PLEKHH3: variants seen among roughly 807,000 people sequenced by gnomAD.
PLEKHH3 encodes the protein pleckstrin homology, MyTH4 and FERM domain containing H3, also known as pleckstrin homology domain-containing family H member 3.
A neutral mutation model predicts 77.8 loss-of-function variants in PLEKHH3; 57 were observed. The ratio of observed to expected loss-of-function variants is 0.73; its 90% CI spans 0.59 to 0.91. The LOEUF (loss-of-function observed/expected upper bound fraction) is 0.91. Ranked by LOEUF, PLEKHH3 falls within the 40% of genes least tolerant of loss-of-function variation. The pLI, the probability that PLEKHH3 is intolerant of heterozygous loss-of-function variation, is 0.00. For missense variants in PLEKHH3, 1,082 were observed against 1,091.2 expected (o/e 0.99, Z 0.12); for synonymous variants, 467 against 504.8 (o/e 0.93, Z 1.00).
At chr17:42,674,205 C>T in intron 2 of PLEKHH3, 149 bp downstream of exon 2, 2 of 1,133,780 alleles carry the variant, frequency 1.8e-6, no homozygotes, top group Non-Finnish European at 2.5e-6. Flanking sequence ...GCGCCCCCAG[C>T]CGGACCGCCC....
At chr17:42,670,786 T>C in intron 9 of PLEKHH3, 81 bp from the exon 10 acceptor site, 1 of 1,485,880 alleles carries the variant, frequency 6.7e-7, no homozygotes, top group Non-Finnish European at 9.1e-7. Flanking sequence ...GGCGGGGCCA[T>C]GTGTTTGGGG....
Position 42,676,434 on chromosome 17 carries a change from G to C in PLEKHH3, c.130C>G (p.Leu44Val), listed in dbSNP as rs1263394333. ...DEDEDEETFE[L>V]RTPSPAGGGR... ...CCGCCCGCTGGACTCGGGGTCCGCA[G>C]CTCAAAGGTTTCCTCGTCCTCGTCC... Residue 44 changes from leucine (L) to valine (V), a missense_variant, in exon 1 of 13, where the codon CTG becomes GTG. This residue lies in a region of PLEKHH3 where 344 missense variants were observed against 320.8 expected (regional missense o/e 1.07). Coordinates refer to ENST00000591022, the MANE Select transcript of PLEKHH3 (RefSeq NM_024927.5). The surrounding 1 kb of genome is among the most constrained non-coding windows in gnomAD (Gnocchi z 6.6). 1 of 1,613,364 alleles carries C rather than the reference G, an allele frequency of 6.2e-7. No individual in the cohort carries two copies. Among genetic ancestry groups the C allele is most frequent in the Non-Finnish European group, 8.5e-7 (1 of 1,179,962 alleles).
chr17:42,672,029 C>G (rs2052713051), intron 7 of PLEKHH3, 57 bp downstream of exon 7: 1 of 1,383,378 alleles, frequency 7.2e-7, no homozygotes, highest in Admixed American at 2.9e-5. Flanking sequence ...ACCTTTCATT[C>G]TCTCCCAGCC....
In PLEKHH3 at chr17:42,670,606, T is replaced by TGGGGACAGCCCCTCA; in HGVS notation, c.1506_1520dup (p.Glu503_Pro507dup). On this transcript the variant is annotated inframe_insertion, in exon 10 of 13. Coordinates refer to ENST00000591022, the MANE Select transcript of PLEKHH3 (RefSeq NM_024927.5). Reference sequence around the variant, plus strand: ...AGAGGAAAGGCAGTTCGTGACCGTCTGGGGACAGCCCCTCAGGGTGCAGAG... The same window carrying TGGGGACAGCCCCTCA: ...AGAGGAAAGGCAGTTCGTGACCGTCTGGGGACAGCCCCTCAGGGGACAGCCCCTCAGGGTGCAGAG... The TGGGGACAGCCCCTCA allele has an allele frequency of 6.2e-7, 1 of 1,612,366 alleles. No individual in the cohort carries two copies. Among genetic ancestry groups the TGGGGACAGCCCCTCA allele is most frequent in the Non-Finnish European group, 8.5e-7 (1 of 1,179,312 alleles).
chr17:42,672,201 G>T lies in PLEKHH3; in HGVS notation c.961C>A (p.Leu321Ile). Reference protein sequence around the residue: ...QTSGPAGPPGLPATQDPAALR... With the variant: ...QTSGPAGPPGIPATQDPAALR... Reference sequence around the variant, plus strand: ...GCCGCAGGGTCTTGGGTAGCCGGGAGCCCGGGGGGACCTGCAGGGCCCGAG... The same window carrying T: ...GCCGCAGGGTCTTGGGTAGCCGGGATCCCGGGGGGACCTGCAGGGCCCGAG... The change falls in exon 7 of 13, where the codon CTC (leucine) becomes ATC (isoleucine). Residue 321 changes from leucine to isoleucine, a missense_variant. Coordinates refer to ENST00000591022, the MANE Select transcript of PLEKHH3 (RefSeq NM_024927.5). 6.4e-7 allele frequency: 1 copy of T among 1,551,190 alleles called. No homozygotes were observed. The highest frequency in any genetic ancestry group is 8.7e-7 in the Non-Finnish European group (1 of 1,147,080).
At chr17:42,669,740 G>A in intron 11 of PLEKHH3, 119 bp from the exon 12 acceptor site, 1 of 1,460,486 alleles carries the variant, frequency 6.8e-7, no homozygotes, top group South Asian at 1.3e-5. Context: ...CAGCACGTGT[G>A]TGGAGGGGGC....
chr17:42,673,873 A>T (rs1333289843), intron 3 of PLEKHH3, 39 bp from the exon 4 acceptor site: 15 of 1,609,122 alleles, frequency 9.3e-6, no homozygotes, highest in Middle Eastern at 1.7e-4. Context: ...ATCAGTAGAG[A>T]CATTAATCCC....
Position 42,676,877 on chromosome 17 carries a change from T to G in PLEKHH3, c.-314A>C. The G allele has an allele frequency of 2.8e-6, 1 of 363,064 alleles. No individual in the cohort carries two copies. The highest frequency in any genetic ancestry group is 5.1e-6 in the Non-Finnish European group (1 of 197,360). 22.5% of individuals were successfully genotyped at this position (363,064 alleles called of 1,614,324 possible). On this transcript the variant is annotated 5_prime_UTR_variant, in exon 1 of 13. Coordinates refer to ENST00000591022, the MANE Select transcript of PLEKHH3 (RefSeq NM_024927.5). This position sits in a 1 kb window ranked among gnomAD's most constrained non-coding sequence, Gnocchi z 6.6. ...GTGTCCAGCCCTGTGGGGGGCAGTG[T>G]CCGGTGCAGCGTCCGAGGTGGGCAG...
In PLEKHH3 at chr17:42,671,201, G is replaced by T; in HGVS notation, c.1285-71C>A. ...ATTCTGGGAGGGGTTGATTCAATTG[G>T]AAGGGGTCTCTTAGTCCTGTCACCA... On this transcript the variant is annotated intron_variant, in intron 8 of 12. Transcript: ENST00000591022. This position sits in a 1 kb window ranked among gnomAD's most constrained non-coding sequence, Gnocchi z 4.7. 2.0e-6 allele frequency: 3 copies of T among 1,527,912 alleles called. No individual in the cohort carries two copies. Among genetic ancestry groups the T allele is most frequent in the South Asian group, 1.3e-5 (1 of 79,248 alleles). The allele number at this position is 1,527,912 out of a possible 1,614,324, so 94.6% of individuals were successfully genotyped here.
Position 42,673,728 on chromosome 17 carries a change from G to A in PLEKHH3, c.405C>T (p.Ser135=), listed in dbSNP as rs1396776268. ...TRDSLDQFSS[S]GKGARRLGSL... ...TCCCGAGACGCCGCGCCCCTTTCCCGCTGCTGCTGAACTGATCCAGGGAGT... is the reference window on the plus strand; with the variant it reads ...TCCCGAGACGCCGCGCCCCTTTCCCACTGCTGCTGAACTGATCCAGGGAGT... The change falls in exon 4 of 13, where the codon AGC becomes AGT. Residue 135 remains serine (S), a synonymous_variant. Transcript: ENST00000591022. 1 of 1,600,680 alleles carries A rather than the reference G, an allele frequency of 6.2e-7. No individual in the cohort carries two copies. Among genetic ancestry groups the A allele is most frequent in the South Asian group, 1.1e-5 (1 of 91,036 alleles).
Position 42,671,635 on chromosome 17 carries a change from GTTTAT to G in PLEKHH3, c.1077-82_1077-78del, listed in dbSNP as rs1209548448. The G allele has an allele frequency of 1.4e-6, 2 of 1,426,474 alleles. No individual in the cohort carries two copies. The highest frequency in any genetic ancestry group is 5.0e-5 in the East Asian group (2 of 40,332). The allele number at this position is 1,426,474 out of a possible 1,614,324, so 88.4% of individuals were successfully genotyped here. A position where few individuals can be genotyped will look rare whatever the true frequency, so the allele number is the denominator to read the frequency against. On this transcript the variant is annotated intron_variant, in intron 7 of 12. Coordinates refer to ENST00000591022, the MANE Select transcript of PLEKHH3 (RefSeq NM_024927.5). The surrounding 1 kb of genome is among the most constrained non-coding windows in gnomAD (Gnocchi z 4.7). The stretch of plus-strand genomic sequence containing the variant: ...CTCCCTCTTGCCTGCTTCTCTTATA[GTTTAT>G]TTTATCTAGCCGATTTCCTCCCCGC...
At chr17:42,673,350 C>T (rs768872476) in intron 5 of PLEKHH3, 49 bp downstream of exon 5, 1 of 1,607,490 alleles carries the variant, frequency 6.2e-7, no homozygotes, top group Non-Finnish European at 8.5e-7. Context: ...CCTCACAACC[C>T]CAGAAAGCTT....
Position 42,673,473 on chromosome 17 carries a change from C to A in PLEKHH3, c.574G>T (p.Val192Leu). The A allele has an allele frequency of 1.2e-6, 2 of 1,611,106 alleles. No homozygotes were observed. The highest frequency in any genetic ancestry group is 1.7e-6 in the Non-Finnish European group (2 of 1,179,060). The change falls in exon 5 of 13, where the codon GTG becomes TTG. Residue 192 changes from valine to leucine, a missense_variant. By Grantham distance (32) the Val-to-Leu change is conservative. Coordinates refer to ENST00000591022, the MANE Select transcript of PLEKHH3 (RefSeq NM_024927.5). ...PRQAEAERWG[V>L]ALREVIASKA... ...GAGGCGATCACTTCCCGCAATGCCA[C>A]CCCCCAGCGCTCAGCCTCTGCCTGG...
intron 6 of PLEKHH3, 96 bp downstream of exon 6, chr17:42,673,080 G>GAAGGATGCT: frequency 1.4e-6 from 2 of 1,408,238 alleles, no homozygotes; most frequent in Non-Finnish European, 1.9e-6. Context: ...GCAGGTCCAT[G>GAAGGATGCT]AAGGATGCTT....
intron 1 of PLEKHH3, chr17:42,674,687 T>C (rs1339128340): frequency 5.4e-6 from 2 of 367,982 alleles, no homozygotes; most frequent in East Asian, 4.0e-5. Context: ...GAAAGAGCAC[T>C]GGGCAGAGAG....
At chr17:42,670,436 C>G in intron 10 of PLEKHH3, 60 bp from the exon 11 acceptor site, 1 of 1,463,108 alleles carries the variant, frequency 6.8e-7, no homozygotes, top group African/African-American at 1.4e-5. Context: ...GCGAAAACGC[C>G]TCGCGGAATC....
rs760202046 is a variant in PLEKHH3, at chr17:42,676,488, C to T, written c.76G>A (p.Asp26Asn). The T allele has an allele frequency of 2.2e-5, 35 of 1,610,844 alleles. No individual in the cohort carries two copies. The Middle Eastern group carries it at 4.9e-4, about 23-fold the overall frequency. Residue 26 changes from aspartate to asparagine, a missense_variant, in exon 1 of 13, where the codon GAC becomes AAC. Asp to Asn is a conservative substitution (Grantham distance 23). Around this residue, in one of 3 missense-constraint regions of PLEKHH3, gnomAD observed 344 missense variants for 320.8 expected, o/e 1.07. Coordinates refer to ENST00000591022, the MANE Select transcript of PLEKHH3 (RefSeq NM_024927.5). This position sits in a 1 kb window ranked among gnomAD's most constrained non-coding sequence, Gnocchi z 6.6. The stretch of plus-strand genomic sequence containing the variant: ...TCCCCGTCCCCGCTAAGCTCGCCGT[C>T]CCCGTAGTCCCGGTGCAGAAGAGTG... ...GFTLLHRDYG[D>N]GELSGDGDED... is the part of the protein sequence containing the mutation.
rs761906730 is a variant in PLEKHH3 at position 42,673,821 on chromosome 17, C to T, written c.312G>A (p.Arg104=). ...GCCGCGCCCCTCCTCCGCGGGGCTCCCGGTACAGCCAACCTGGGGGCCGGA... is the reference window on the plus strand; with the variant it reads ...GCCGCGCCCCTCCTCCGCGGGGCTCTCGGTACAGCCAACCTGGGGGCCGGA... ...PDIVVKGWLY[R]EPRGGGARPW... is the part of the protein sequence containing the mutation. The change falls in exon 4 of 13, where the codon CGG becomes CGA. Residue 104 remains arginine, a synonymous_variant. Transcript: ENST00000591022. 2.5e-6 allele frequency: 4 copies of T among 1,592,826 alleles called. No homozygotes were observed. The highest frequency in any genetic ancestry group is 1.1e-5 in the South Asian group (1 of 90,078).
At chr17:42,670,416 C>T (rs1196478155) in intron 10 of PLEKHH3, 40 bp from the exon 11 acceptor site, 3 of 1,460,380 alleles carry the variant, frequency 2.1e-6, no homozygotes, top group Non-Finnish European at 2.7e-6. Context: ...CGAGCGGCGG[C>T]GGAACCGTCG....
Sources: gnomAD v4.1 joint callset for allele counts on GRCh38, gnomAD v4.1.1 for gene constraint, gnomAD v4.1.1 regional missense constraint, Gnocchi (gnomAD v3.1) non-coding constraint, MANE v1.5 for transcripts, NCBI Gene and HGNC (gene_info 2026-07-23, HGNC 2026-07-21) for gene names.